The following SLC25A21 variants were observed in gnomAD, a reference collection of about 807,000 sequenced individuals.
SLC25A21 encodes solute carrier family 25 member 21, also known as mitochondrial 2-oxodicarboxylate carrier.
In SLC25A21, 47 loss-of-function variants were observed where a neutral mutation model predicts 43.8. The ratio of observed to expected loss-of-function variants is 1.07; its 90% CI spans 0.85 to 1.37. The LOEUF is 1.37. Among genes scored for constraint, SLC25A21 ranks in the 40% most tolerant of loss-of-function variants. The pLI is 0.00. For synonymous variants in SLC25A21, 131 were observed against 121.3 expected (o/e 1.08, Z -0.52); for missense variants, 352 against 350.2 (o/e 1.00, Z -0.04).
chr14:36,716,791 G>T (rs960518673), intron 6 of SLC25A21, among the ~76,000 whole-genome samples: 1 of 152,180 alleles, frequency 6.6e-6, no homozygotes, highest in South Asian at 2.1e-4. Context: ...ATTGTTCCCT[G>T]GGTAAATACC....
At chr14:36,950,760 T>C (rs1566763835) in intron 1 of SLC25A21, among the ~76,000 whole-genome samples, 1 of 152,224 alleles carries the variant, frequency 6.6e-6, no homozygotes, top group Non-Finnish European at 1.5e-5. Flanking sequence ...ATCAATTACT[T>C]GATACAGAGT....
chr14:37,153,246 C>A (rs559581557), intron 1 of SLC25A21, among the ~76,000 whole-genome samples: 18 of 152,310 alleles, frequency 1.2e-4, no homozygotes, highest in Non-Finnish European at 2.2e-4. Flanking sequence ...CAGGAAGGTG[C>A]CATTTTCAAA....
chr14:36,879,474 T>C (rs1890644848), intron 1 of SLC25A21, among the ~76,000 whole-genome samples: 1 of 152,132 alleles, frequency 6.6e-6, no homozygotes, highest in African/African-American at 2.4e-5. Context: ...ATGTTTTCAT[T>C]GTTTCTGCAG....
intron 1 of SLC25A21, among the ~76,000 whole-genome samples, chr14:36,882,299 C>T (rs1294140844): frequency 1.3e-5 from 2 of 152,188 alleles, no homozygotes; most frequent in Non-Finnish European, 2.9e-5. Context: ...AGGAGAATTG[C>T]TTGAACCTGG....
intron 1 of SLC25A21, among the ~76,000 whole-genome samples, chr14:37,015,620 G>T (rs972133709): frequency 1.7e-4 from 25 of 151,480 alleles, no homozygotes; most frequent in African/African-American, 5.8e-4. Context: ...TCGCCACACT[G>T]ACTTCCACAA....
intron 1 of SLC25A21, among the ~76,000 whole-genome samples, chr14:36,887,966 C>T (rs937463504): frequency 6.6e-6 from 1 of 152,158 alleles, no homozygotes; most frequent in Non-Finnish European, 1.5e-5. Flanking sequence ...CTCTCACAGG[C>T]CAGGGTGTAT....
intron 1 of SLC25A21, among the ~76,000 whole-genome samples, chr14:36,921,241 A>G (rs1891972773): frequency 6.6e-6 from 1 of 152,182 alleles, no homozygotes; most frequent in Admixed American, 6.5e-5. Context: ...AGCAAGTCAT[A>G]TTCTGTACCA....
At chr14:36,766,479 G>A (rs116334814) in intron 3 of SLC25A21, among the ~76,000 whole-genome samples, 1,801 of 152,164 alleles carry the variant, frequency 0.012, 36 homozygotes, top group African/African-American at 0.041. Flanking sequence ...TTTGATGGCT[G>A]CCCACTGCCA....
At chr14:36,989,914 A>G (rs1357323986) in intron 1 of SLC25A21, among the ~76,000 whole-genome samples, 1 of 152,176 alleles carries the variant, frequency 6.6e-6, no homozygotes, top group Non-Finnish European at 1.5e-5. Flanking sequence ...GAAAGAGAGC[A>G]AGAAAGAGAG....
intron 1 of SLC25A21, among the ~76,000 whole-genome samples, chr14:37,007,013 T>C (rs977460014): frequency 1.3e-5 from 2 of 152,214 alleles, no homozygotes; most frequent in African/African-American, 4.8e-5. Context: ...CAATATCAAT[T>C]AATGTTAAGA....
At chr14:36,770,497 T>C (rs573808634) in intron 3 of SLC25A21, among the ~76,000 whole-genome samples, 1 of 152,282 alleles carries the variant, frequency 6.6e-6, no homozygotes, top group East Asian at 1.9e-4. Context: ...AACAAGCCTG[T>C]ACATGTACCT....
chr14:36,684,944 A>C lies in SLC25A21; in HGVS notation c.604-19T>G. 6.3e-7 allele frequency: 1 copy of C among 1,599,402 alleles called. No homozygotes were observed. The highest frequency in any genetic ancestry group is 8.5e-7 in the Non-Finnish European group (1 of 1,173,474). On this transcript the variant is annotated intron_variant, in intron 7 of 9. Coordinates refer to ENST00000331299, the MANE Select transcript of SLC25A21 (RefSeq NM_030631.4). ...TTGGATCCTAAAAGAAAAGAAGAAT[A>C]ATATAACAGAAAGGGGAGCGGAAGC...
At chr14:37,112,130 A>C (rs1414713794) in intron 1 of SLC25A21, among the ~76,000 whole-genome samples, 1 of 150,992 alleles carries the variant, frequency 6.6e-6, no homozygotes, top group Non-Finnish European at 1.5e-5. Flanking sequence ...TCCTTCCTTC[A>C]TTATTTTCTC....
intron 1 of SLC25A21, among the ~76,000 whole-genome samples, chr14:37,004,394 C>T (rs1157082375): frequency 6.6e-6 from 1 of 152,072 alleles, no homozygotes; most frequent in Non-Finnish European, 1.5e-5. Flanking sequence ...CTGTCTCAGA[C>T]AGAAATAAAA....
Position 36,958,347 on chromosome 14 carries a change from T to C in SLC25A21, c.71-83343A>G, listed in dbSNP as rs1196844368. ...CATTTCCAAGTTTTGTCCCATGTAATTGGCATTTATTTCACATTATAAAAA... is the reference window on the plus strand; with the variant it reads ...CATTTCCAAGTTTTGTCCCATGTAACTGGCATTTATTTCACATTATAAAAA... On this transcript the variant is annotated intron_variant, in intron 1 of 9. Transcript: ENST00000331299. 3.9e-5 allele frequency among the ~76,000 whole-genome samples: 6 copies of C among 152,344 alleles called. No homozygotes were observed. The East Asian group carries it at 1.2e-3, about 29-fold the overall frequency.
chr14:36,895,713 G>C (rs1891218149), intron 1 of SLC25A21, among the ~76,000 whole-genome samples: 2 of 152,148 alleles, frequency 1.3e-5, no homozygotes, highest in African/African-American at 2.4e-5. Flanking sequence ...TGCTTTGAAT[G>C]TGTTCCAGAG....
chr14:36,713,918 C>A (rs1884001917), intron 6 of SLC25A21, among the ~76,000 whole-genome samples: 1 of 152,004 alleles, frequency 6.6e-6, no homozygotes, highest in South Asian at 2.1e-4. Context: ...TCACTTGAGG[C>A]CTGGAAGGTG....
chr14:37,002,160 A>C lies in SLC25A21; in HGVS notation c.71-127156T>G, dbSNP rs549109678. On this transcript the variant is annotated intron_variant, in intron 1 of 9. Coordinates refer to ENST00000331299, the MANE Select transcript of SLC25A21 (RefSeq NM_030631.4). ...ACACAGAAATAATTATAATGTATGA[A>C]ACCAAGCAAAAAGCACCATAAGGAA... Among the ~76,000 whole-genome samples, 10 of 152,224 alleles carry C rather than the reference A, an allele frequency of 6.6e-5. No individual in the cohort carries two copies. In the East Asian group the frequency reaches 1.5e-3, roughly 24 times the overall value.
At chr14:37,075,768 G>C (rs910047437) in intron 1 of SLC25A21, among the ~76,000 whole-genome samples, 3 of 152,220 alleles carry the variant, frequency 2.0e-5, no homozygotes, top group African/African-American at 7.2e-5. Context: ...AGTCATATGT[G>C]ACCCAGCTGA....
Sources: allele counts gnomAD v4.1 joint callset (sites outside exome capture counted in the v4.1 genomes callset), GRCh38; gene constraint gnomAD v4.1.1; transcripts MANE v1.5; gene names NCBI Gene and HGNC (gene_info 2026-07-23, HGNC 2026-07-21).